Variants in TIAL1 observed in about 807,000 individuals in gnomAD.
The protein encoded by TIAL1 is TIA1 cytotoxic granule associated RNA binding protein like 1.
In TIAL1, 7 loss-of-function variants were observed where a neutral mutation model predicts 59.7. The ratio of observed to expected loss-of-function variants is 0.12; its 90% confidence interval spans 0.07 to 0.22. The LOEUF is 0.22. TIAL1 is among the 10% of genes least tolerant of loss of function. TIAL1 has a pLI of 1.00. For missense variants in TIAL1, 225 were observed against 462.5 expected (o/e 0.49, Z 4.71); for synonymous variants, 149 against 146.3 (o/e 1.02, Z -0.13).
At chr10:119,586,744 AAC>A (rs1287135750) in intron 2 of TIAL1, among the ~76,000 whole-genome samples, 1 of 152,110 alleles carries the variant, frequency 6.6e-6, no homozygotes, top group Non-Finnish European at 1.5e-5. Flanking sequence ...TGATTCCACA[AAC>A]ACAAGTTCAT....
intron 10 of TIAL1, 71 bp downstream of exon 10, chr10:119,577,007 TAC>T (rs1246518055): frequency 1.3e-5 from 20 of 1,558,970 alleles, no homozygotes; most frequent in Non-Finnish European, 1.7e-5. Flanking sequence ...TTGTTCATTT[TAC>T]AGAGTTTCCA....
At position 119,577,149 on chromosome 10, in the gene TIAL1, C is replaced by T. The variant is rs778602887; in HGVS notation, c.792G>A (p.Thr264=). The part of the protein sequence containing the change: ...AHAIVSVNGT[T]IEGHVVKCYW... ...AGCATTTAACCACATGTCCTTCAAT[C>T]GTAGTACCGTTCACCGAAACAATGG... Residue 264 remains threonine, a synonymous_variant, in exon 10 of 12, where the codon ACG becomes ACA. Coordinates refer to ENST00000436547, the MANE Select transcript of TIAL1 (RefSeq NM_003252.4). 1.4e-5 allele frequency: 23 copies of T among 1,613,652 alleles called. No individual in the cohort carries two copies. Among genetic ancestry groups the T allele is most frequent in the East Asian group, 2.2e-5 (1 of 44,858 alleles).
At position 119,596,770 on chromosome 10, in the gene TIAL1, C is replaced by A; in HGVS notation, c.-305G>T. ...CAGCCGCGACAGCCTGCAAGGGGGA[C>A]GACCGAGGGGAGAGAAAAAAGGGCC... On this transcript the variant is annotated 5_prime_UTR_variant, in exon 1 of 12. Coordinates refer to ENST00000436547, the MANE Select transcript of TIAL1 (RefSeq NM_003252.4). The A allele has an allele frequency of 6.4e-6, 3 of 470,158 alleles. No homozygotes were observed. The highest frequency in any genetic ancestry group is 7.7e-6 in the Non-Finnish European group (2 of 260,466). 29.1% of individuals were successfully genotyped at this position (470,158 alleles called of 1,614,324 possible).
intron 1 of TIAL1, among the ~76,000 whole-genome samples, chr10:119,592,494 A>G (rs964757405): frequency 3.9e-5 from 6 of 152,182 alleles, no homozygotes; most frequent in Non-Finnish European, 1.5e-5. Flanking sequence ...TCAACACTGA[A>G]TGTGCTCTCA....
At chr10:119,595,814 G>GTATC (rs1156943415) in intron 1 of TIAL1, among the ~76,000 whole-genome samples, 4 of 152,206 alleles carry the variant, frequency 2.6e-5, no homozygotes, top group African/African-American at 9.7e-5. Context: ...GCAGCAAAAG[G>GTATC]TATCCCTTAT....
chr10:119,584,807 C>T (rs1025281031), intron 2 of TIAL1, among the ~76,000 whole-genome samples: 1 of 151,642 alleles, frequency 6.6e-6, no homozygotes, highest in South Asian at 2.1e-4. Context: ...CCAGCCCGGG[C>T]AACAGAGCCA....
intron 2 of TIAL1, among the ~76,000 whole-genome samples, 199 bp downstream of exon 2, chr10:119,587,953 T>C (rs1435142609): frequency 6.6e-6 from 1 of 152,260 alleles, no homozygotes; most frequent in Non-Finnish European, 1.5e-5. Context: ...AATGACCGTT[T>C]GAGCTTAACA....
rs774923061 is a variant in TIAL1 at position 119,575,805 on chromosome 10, G to GA, written c.1002-15dup. 7 of 1,449,058 alleles carry GA rather than the reference G, an allele frequency of 4.8e-6. No homozygotes were observed. Among genetic ancestry groups the GA allele is most frequent in the Non-Finnish European group, 6.4e-6 (7 of 1,100,138 alleles). 89.8% of individuals were successfully genotyped at this position (1,449,058 alleles called of 1,614,324 possible). ...GAAGGTGATTGACTTGGAAGAAAAAGAAAAAATCTTCAGCAAACACAAGAA... is the reference window on the plus strand; with the variant it reads ...GAAGGTGATTGACTTGGAAGAAAAAGAAAAAAATCTTCAGCAAACACAAGAA... On this transcript the variant is annotated splice_polypyrimidine_tract_variant and intron_variant, in intron 11 of 11. Transcript: ENST00000436547.
chr10:119,577,404 A>G, intron 9 of TIAL1, 47 bp downstream of exon 9: 1 of 1,548,468 alleles, frequency 6.5e-7, no homozygotes, highest in Non-Finnish European at 8.8e-7. Flanking sequence ...AGTGAAAGGA[A>G]TGAATCAAAT....
chr10:119,578,964 AAACGAAACTG>A, intron 6 of TIAL1, 130 bp from the exon 7 acceptor site: 1 of 682,966 alleles, frequency 1.5e-6, no homozygotes, highest in Non-Finnish European at 2.5e-6. Context: ...ATCCTAAACA[AAACGAAACTG>A]AACTATTACC....
At position 119,596,483 on chromosome 10, in the gene TIAL1, G is replaced by A; in HGVS notation, c.-18C>T. 6.7e-7 allele frequency: 1 copy of A among 1,483,976 alleles called. No homozygotes were observed. The highest frequency in any genetic ancestry group is 9.1e-7 in the Non-Finnish European group (1 of 1,101,346). 91.9% of individuals were successfully genotyped at this position (1,483,976 alleles called of 1,614,324 possible). ...TCCATCATGGTGGGTGCGACGGAGC[G>A]ATCCCGGGACAAGGGGGAGGGCAGG... On this transcript the variant is annotated 5_prime_UTR_variant, in exon 1 of 12. Coordinates refer to ENST00000436547, the MANE Select transcript of TIAL1 (RefSeq NM_003252.4).
chr10:119,592,181 C>A (rs1277565321), intron 1 of TIAL1: 2 of 152,076 alleles, frequency 1.3e-5, no homozygotes, highest in Non-Finnish European at 2.9e-5. Context: ...ATTGAGAGGT[C>A]AATTCAAAGA....
chr10:119,586,424 G>A (rs1417870548), intron 2 of TIAL1, among the ~76,000 whole-genome samples: 2 of 152,064 alleles, frequency 1.3e-5, no homozygotes, highest in African/African-American at 2.4e-5. Flanking sequence ...TAGCACTTTC[G>A]AGAATAAGCC....
chr10:119,596,752 G>C lies in TIAL1; in HGVS notation c.-287C>G, dbSNP rs971953764. 46 of 522,076 alleles carry C rather than the reference G, an allele frequency of 8.8e-5. No homozygotes were observed. The highest frequency in any genetic ancestry group is 1.2e-4 in the Non-Finnish European group (36 of 291,300). 32.3% of individuals were successfully genotyped at this position (522,076 alleles called of 1,614,324 possible). On this transcript the variant is annotated 5_prime_UTR_variant, in exon 1 of 12. Coordinates refer to ENST00000436547, the MANE Select transcript of TIAL1 (RefSeq NM_003252.4). ...CCAGGTCACCGCTCAGGCCAGCCGC[G>C]ACAGCCTGCAAGGGGGACGACCGAG...
At chr10:119,585,323 C>T (rs895393494) in intron 2 of TIAL1, among the ~76,000 whole-genome samples, 1 of 142,494 alleles carries the variant, frequency 7.0e-6, no homozygotes, top group African/African-American at 2.6e-5. Context: ...CTAGGTGTGG[C>T]GGTGCTGTCC....
rs1844870592 is a variant in TIAL1 at position 119,574,586 on chromosome 10, C to CAAAAAAAGAAAAAAAA, written c.*1078_*1079insTTTTTTTTCTTTTTTT. The CAAAAAAAGAAAAAAAA allele has an allele frequency of 1.2e-5, 1 of 86,550 alleles. No individual in the cohort carries two copies. The highest frequency in any genetic ancestry group is 2.1e-5 in the Non-Finnish European group (1 of 47,626). The allele number at this position is 86,550 out of a possible 1,614,324, so 5.4% of individuals were successfully genotyped here. A position where few individuals can be genotyped will look rare whatever the true frequency, so the allele number is the denominator to read the frequency against. On this transcript the variant is annotated 3_prime_UTR_variant, in exon 12 of 12. Transcript: ENST00000436547. ...TATTTACATACCAAGTAATGTAAAG[C>CAAAAAAAGAAAAAAAA]AAAAAAAAAAAAAAAAAAAAACAAA...
chr10:119,588,106 A>T, intron 2 of TIAL1, 46 bp downstream of exon 2: 2 of 1,151,824 alleles, frequency 1.7e-6, no homozygotes, highest in East Asian at 2.6e-5. Flanking sequence ...CATGCTAATC[A>T]ACCCATCATG....
chr10:119,596,020 G>A (rs1239614320), intron 1 of TIAL1, among the ~76,000 whole-genome samples: 1 of 151,680 alleles, frequency 6.6e-6, no homozygotes, highest in East Asian at 1.9e-4. Flanking sequence ...AGGGCCCGCG[G>A]GGCCCACCCC....
At chr10:119,578,319 T>C (rs753495747) in intron 7 of TIAL1, among the ~76,000 whole-genome samples, 3 of 149,780 alleles carry the variant, frequency 2.0e-5, no homozygotes, top group Non-Finnish European at 4.4e-5. Context: ...ACTTGATCTA[T>C]AAAATCAGGT....
Sources: allele counts gnomAD v4.1 joint callset (sites outside exome capture counted in the v4.1 genomes callset), GRCh38; gene constraint gnomAD v4.1.1; transcripts MANE v1.5; gene names NCBI Gene and HGNC (gene_info 2026-07-23, HGNC 2026-07-21).